The following AXDND1 variants were observed in gnomAD, a reference collection of about 807,000 sequenced individuals.
AXDND1 encodes axonemal dynein light chain domain-containing protein 1.
In AXDND1, 110 loss-of-function variants were observed where a neutral mutation model predicts 137.5. That is an observed-to-expected ratio of 0.80 (90% confidence interval 0.69 to 0.94). The LOEUF (loss-of-function observed/expected upper bound fraction) is 0.94, where lower values mean the gene tolerates loss of function less well. AXDND1 is among the 40% of genes least tolerant of loss of function. The pLI, the probability that AXDND1 is intolerant of heterozygous loss-of-function variation, is 0.00. For synonymous variants in AXDND1, 414 were observed against 399.7 expected (o/e 1.04, Z -0.43); for missense variants, 1,191 against 1,169.8 (o/e 1.02, Z -0.26).
chr1:179,477,972 G>A (rs1474436344), intron 17 of AXDND1, among the ~76,000 whole-genome samples: 2 of 151,838 alleles, frequency 1.3e-5, no homozygotes, highest in African/African-American at 4.8e-5. Flanking sequence ...AAATCCGGCA[G>A]GGCAGACAAA....
chr1:179,518,385 C>CTT (rs71114530), intron 21 of AXDND1, among the ~76,000 whole-genome samples: 8,623 of 144,982 alleles, frequency 0.059, 319 homozygotes, highest in Non-Finnish European at 0.07. Flanking sequence ...TTTCCTTTTT[C>CTT]TTTTTTTTTT....
At chr1:179,400,698 T>A (rs1651851450) in intron 11 of AXDND1, among the ~76,000 whole-genome samples, 1 of 141,502 alleles carries the variant, frequency 7.1e-6, no homozygotes, top group Admixed American at 7.1e-5. Context: ...GGTCAGGAGA[T>A]CAACACCATC....
Position 179,366,424 on chromosome 1 carries a change from G to T in AXDND1, c.-86G>T. 1 of 1,014,486 alleles carries T rather than the reference G, an allele frequency of 9.9e-7. No homozygotes were observed. Among genetic ancestry groups the T allele is most frequent in the South Asian group, 1.3e-5 (1 of 76,742 alleles). The allele number at this position is 1,014,486 out of a possible 1,614,324, so 62.8% of individuals were successfully genotyped here. A position where few individuals can be genotyped will look rare whatever the true frequency, so the allele number is the denominator to read the frequency against. ...TGCAGGACTATGTGGCAGCCTGCAA[G>T]TCCCAGTGCGGCGCTGATTTGTGTC... On this transcript the variant is annotated 5_prime_UTR_variant, in exon 2 of 26. Coordinates refer to ENST00000367618, the MANE Select transcript of AXDND1 (RefSeq NM_144696.6).
intron 18 of AXDND1, 28 bp from the exon 19 acceptor site, chr1:179,491,510 C>T (rs1376281403): frequency 1.4e-6 from 2 of 1,427,814 alleles, no homozygotes; most frequent in South Asian, 1.2e-5. Context: ...TAAAGTGGGT[C>T]ATTTGTATTA....
At chr1:179,419,644 A>G (rs71630220) in intron 12 of AXDND1, among the ~76,000 whole-genome samples, 169 of 73,044 alleles carry the variant, frequency 2.3e-3, no homozygotes, top group African/African-American at 8.2e-3. Flanking sequence ...AGGGAGAGGG[A>G]GAGGGGGAGG....
intron 12 of AXDND1, among the ~76,000 whole-genome samples, chr1:179,413,339 A>C (rs1486095451): frequency 6.6e-6 from 1 of 152,204 alleles, no homozygotes; most frequent in Non-Finnish European, 1.5e-5. Context: ...CAGTGAGCCC[A>C]TCACCCAAAT....
At chr1:179,514,761 A>G (rs781691177) in intron 21 of AXDND1, among the ~76,000 whole-genome samples, 10 of 152,110 alleles carry the variant, frequency 6.6e-5, no homozygotes, top group Non-Finnish European at 1.5e-4. Flanking sequence ...TTAGGTGCAT[A>G]TATGTTTAGG....
intron 6 of AXDND1, among the ~76,000 whole-genome samples, chr1:179,380,820 T>A (rs4255343): frequency 0.87 from 132,518 of 152,082 alleles, 57,813 homozygotes; most frequent in East Asian, 0.9. Context: ...GACATAAAAA[T>A]GTTGCAAAAA....
chr1:179,527,864 G>A (rs1670683647), intron 22 of AXDND1, among the ~76,000 whole-genome samples: 1 of 152,056 alleles, frequency 6.6e-6, no homozygotes, highest in African/African-American at 2.4e-5. Flanking sequence ...ACTACCACCT[G>A]TAGACTTAGT....
intron 17 of AXDND1, among the ~76,000 whole-genome samples, chr1:179,475,104 G>A (rs890326052): frequency 6.6e-6 from 1 of 152,236 alleles, no homozygotes; most frequent in Admixed American, 6.5e-5. Flanking sequence ...CTAGATTTCA[G>A]AGGATGTATG....
At chr1:179,477,261 T>C (rs11808270) in intron 17 of AXDND1, among the ~76,000 whole-genome samples, 83,363 of 151,826 alleles carry the variant, frequency 0.55, 23,197 homozygotes, top group East Asian at 0.76. Flanking sequence ...CCTTCCTTTG[T>C]TTATCTAGTC....
At chr1:179,463,135 G>C (rs76366148) in intron 16 of AXDND1, among the ~76,000 whole-genome samples, 25,559 of 152,016 alleles carry the variant, frequency 0.17, 2,500 homozygotes, top group East Asian at 0.35. Flanking sequence ...CTGCTCTGAT[G>C]TTAGTTATTT....
chr1:179,480,167 T>C (rs913760496), intron 17 of AXDND1, among the ~76,000 whole-genome samples: 69 of 152,316 alleles, frequency 4.5e-4, no homozygotes, highest in African/African-American at 1.5e-3. Flanking sequence ...AGGTACCGAT[T>C]TACTGTGTTA....
chr1:179,545,525 C>T (rs957110209), intron 25 of AXDND1: 2 of 152,176 alleles, frequency 1.3e-5, no homozygotes, highest in Admixed American at 6.5e-5. Context: ...AAATGACAGA[C>T]GAGCTGAAGC....
At chr1:179,382,330 C>T (rs930346836) in intron 6 of AXDND1, among the ~76,000 whole-genome samples, 1 of 152,178 alleles carries the variant, frequency 6.6e-6, no homozygotes, top group Non-Finnish European at 1.5e-5. Context: ...ATCTGCCCGC[C>T]TCAGCCTCCC....
chr1:179,393,874 T>C, intron 9 of AXDND1, 29 bp from the exon 10 acceptor site: 1 of 1,565,880 alleles, frequency 6.4e-7, no homozygotes. Flanking sequence ...TTATCAGATC[T>C]AGGAGCTTTT....
chr1:179,535,142 G>A, intron 25 of AXDND1, 180 bp downstream of exon 25: 15 of 856,174 alleles, frequency 1.8e-5, no homozygotes, highest in South Asian at 5.7e-5. Context: ...CTCACAAAAA[G>A]GAAAACCAAA....
intron 12 of AXDND1, among the ~76,000 whole-genome samples, chr1:179,418,656 CCGGG>C (rs2125253412): frequency 4.2e-5 from 6 of 143,884 alleles, no homozygotes; most frequent in African/African-American, 7.5e-5. Flanking sequence ...GGGCGGCTGG[CCGGG>C]TGGGGGGCCG....
chr1:179,407,653 T>G (rs1184754481), intron 11 of AXDND1, among the ~76,000 whole-genome samples: 1 of 152,198 alleles, frequency 6.6e-6, no homozygotes, highest in African/African-American at 2.4e-5. Context: ...CTTGCTGTTT[T>G]TAGAATTCTC....
Sources: allele counts gnomAD v4.1 joint callset (sites outside exome capture counted in the v4.1 genomes callset), GRCh38; gene constraint gnomAD v4.1.1; transcripts MANE v1.5; gene names NCBI Gene and HGNC (gene_info 2026-07-23, HGNC 2026-07-21).